The following CELF5 variants were observed in gnomAD, a reference collection of about 807,000 sequenced individuals.
The protein encoded by CELF5 is CUGBP Elav-like family member 5.
In CELF5, 6 loss-of-function variants were observed where a neutral mutation model predicts 54.9. The observed-to-expected ratio is 0.11, with a 90% CI of 0.06 to 0.22. CELF5 has a LOEUF of 0.22. CELF5 is among the 10% of genes least tolerant of loss of function. The pLI is 1.00. For synonymous variants in CELF5, 271 were observed against 290.9 expected, an observed-to-expected ratio of 0.93 and a Z score of 0.70; for missense variants, 401 against 678.6, an observed-to-expected ratio of 0.59 and a Z score of 4.54.
At chr19:3,250,463 T>C (rs1454382342) in intron 1 of CELF5, among the ~76,000 whole-genome samples, 3 of 152,214 alleles carry the variant, frequency 2.0e-5, no homozygotes, top group Non-Finnish European at 4.4e-5. Context: ...CACTCCAGCC[T>C]GGGTGACAGA....
intron 2 of CELF5, among the ~76,000 whole-genome samples, chr19:3,262,696 A>G (rs1053690602): frequency 6.6e-6 from 1 of 152,044 alleles, no homozygotes; most frequent in Non-Finnish European, 1.5e-5. Context: ...CACTCCTGTA[A>G]TCCCAGCACT....
At chr19:3,255,675 T>A (rs1269597123) in intron 2 of CELF5, among the ~76,000 whole-genome samples, 1 of 152,154 alleles carries the variant, frequency 6.6e-6, no homozygotes, top group Non-Finnish European at 1.5e-5. Context: ...AGCTGTGTAA[T>A]CTTCAACAAG....
chr19:3,269,470 G>A (rs778122231), intron 2 of CELF5, among the ~76,000 whole-genome samples: 6 of 152,158 alleles, frequency 3.9e-5, no homozygotes, highest in Non-Finnish European at 5.9e-5. Context: ...GAGCCACCGC[G>A]CCCGGCCCCT....
chr19:3,255,521 A>G (rs2079712741), intron 2 of CELF5, among the ~76,000 whole-genome samples: 1 of 151,866 alleles, frequency 6.6e-6, no homozygotes, highest in African/African-American at 2.4e-5. Flanking sequence ...TCTCTCCCTC[A>G]GTCCCTGGGC....
chr19:3,275,706 C>T lies in CELF5; in HGVS notation c.395-150C>T. 1.3e-6 allele frequency: 1 copy of T among 765,768 alleles called. No individual in the cohort carries two copies. Among genetic ancestry groups the T allele is most frequent in the Non-Finnish European group, 2.0e-6 (1 of 494,770 alleles). The allele number at this position is 765,768 out of a possible 1,614,324, so 47.4% of individuals were successfully genotyped here. A position where few individuals can be genotyped will look rare whatever the true frequency, so the allele number is the denominator to read the frequency against. On this transcript the variant is annotated intron_variant, in intron 3 of 12. Transcript: ENST00000292672. The surrounding 1 kb of genome is among the most constrained non-coding windows in gnomAD (Gnocchi z 6.7). ...GGGCAGGGAAAGGGCGCGGCTGGGT[C>T]CTCCCTCGCACGCGCAGAACCGGAG...
intron 2 of CELF5, among the ~76,000 whole-genome samples, chr19:3,253,534 G>C (rs10424519): frequency 0.13 from 19,334 of 152,180 alleles, 1,286 homozygotes; most frequent in African/African-American, 0.16. Context: ...GAGTGATCAA[G>C]GAGGAAGCCA....
intron 4 of CELF5, among the ~76,000 whole-genome samples, chr19:3,276,982 A>G (rs1320279548): frequency 6.6e-6 from 1 of 151,984 alleles, no homozygotes; most frequent in Non-Finnish European, 1.5e-5. Context: ...GGTTCTGTCT[A>G]TGTGATTTGT....
At chr19:3,240,580 G>A (rs896831557) in intron 1 of CELF5, among the ~76,000 whole-genome samples, 11 of 151,630 alleles carry the variant, frequency 7.3e-5, no homozygotes, top group South Asian at 4.2e-4. Flanking sequence ...CACCTGCCTC[G>A]GCCTCCCAGA....
rs771446928 is a variant in CELF5 at position 3,278,151 on chromosome 19, A to G, written c.603+41A>G. 18 of 1,330,988 alleles carry G rather than the reference A, an allele frequency of 1.4e-5. No homozygotes were observed. The Admixed American group carries it at 3.1e-4, about 23-fold the overall frequency. The allele number at this position is 1,330,988 out of a possible 1,614,324, so 82.4% of individuals were successfully genotyped here. On this transcript the variant is annotated intron_variant, in intron 5 of 12. Transcript: ENST00000292672. This position sits in a 1 kb window ranked among gnomAD's most constrained non-coding sequence, Gnocchi z 4.5. ...CCTTGGCCGTGGGGGTGGGGGTGGGAAAGGGGTGAGGGGGACAGGGATGAA... is the reference window on the plus strand; with the variant it reads ...CCTTGGCCGTGGGGGTGGGGGTGGGGAAGGGGTGAGGGGGACAGGGATGAA...
Position 3,275,820 on chromosome 19 carries a change from C to G in CELF5, c.395-36C>G. On this transcript the variant is annotated intron_variant, in intron 3 of 12. Coordinates refer to ENST00000292672, the MANE Select transcript of CELF5 (RefSeq NM_021938.4). The surrounding 1 kb of genome is among the most constrained non-coding windows in gnomAD (Gnocchi z 6.7). ...GAATCCCGGAGGCCCTCCCGGAGGCCGGGGACTCGGCTGAGGTGGGTGTCG... is the reference window on the plus strand; with the variant it reads ...GAATCCCGGAGGCCCTCCCGGAGGCGGGGGACTCGGCTGAGGTGGGTGTCG... 1 of 1,583,770 alleles carries G rather than the reference C, an allele frequency of 6.3e-7. No individual in the cohort carries two copies.
chr19:3,227,949 G>A (rs999191765), intron 1 of CELF5, among the ~76,000 whole-genome samples: 2 of 152,136 alleles, frequency 1.3e-5, no homozygotes, highest in African/African-American at 4.8e-5. Context: ...TGGCCTGGCC[G>A]AAGGTGGCGT....
At chr19:3,291,932 CT>C (rs11350773) in intron 11 of CELF5, among the ~76,000 whole-genome samples, 83,253 of 151,476 alleles carry the variant, frequency 0.55, 24,152 homozygotes, top group Middle Eastern at 0.69. Flanking sequence ...GAACCAGACT[CT>C]TTTTTTTTGT....
At chr19:3,225,768 GCCCTCC>G in intron 1 of CELF5, 1 of 175,354 alleles carries the variant, frequency 5.7e-6, no homozygotes, top group South Asian at 1.9e-4. Flanking sequence ...CCATTTCTCT[GCCCTCC>G]CCCTCCCCCG....
intron 11 of CELF5, among the ~76,000 whole-genome samples, chr19:3,290,605 C>A (rs530559950): frequency 6.7e-6 from 1 of 149,130 alleles, no homozygotes; most frequent in East Asian, 2.0e-4. Context: ...GCTCTGTCGC[C>A]CAGGCTGGAG....
chr19:3,256,064 C>CAG (rs372488135), intron 2 of CELF5, among the ~76,000 whole-genome samples: 27 of 139,588 alleles, frequency 1.9e-4, no homozygotes, highest in East Asian at 4.9e-4. Context: ...GACCCTGTCT[C>CAG]AAAAAAAAAG....
At chr19:3,263,511 A>C (rs1336491437) in intron 2 of CELF5, among the ~76,000 whole-genome samples, 1 of 152,076 alleles carries the variant, frequency 6.6e-6, no homozygotes, top group African/African-American at 2.4e-5. Flanking sequence ...CAGTGAGCCG[A>C]GATTGTGCCA....
chr19:3,247,222 G>C (rs1329187645), intron 1 of CELF5, among the ~76,000 whole-genome samples: 1 of 152,236 alleles, frequency 6.6e-6, no homozygotes, highest in Non-Finnish European at 1.5e-5. Context: ...CACACCCTGG[G>C]CTCAAGCGAT....
chr19:3,261,196 G>A (rs149148973), intron 2 of CELF5, among the ~76,000 whole-genome samples: 5,131 of 152,120 alleles, frequency 0.034, 315 homozygotes, highest in African/African-American at 0.12. Context: ...GAGGCAGGGG[G>A]ATCATGAGGT....
intron 1 of CELF5, among the ~76,000 whole-genome samples, chr19:3,236,241 G>C (rs1368461031): frequency 6.6e-6 from 1 of 152,166 alleles, no homozygotes; most frequent in Non-Finnish European, 1.5e-5. Flanking sequence ...AGTGAAGTTG[G>C]GGAGAACTTT....
Sources: allele counts gnomAD v4.1 joint callset (sites outside exome capture counted in the v4.1 genomes callset), GRCh38; gene constraint gnomAD v4.1.1; non-coding constraint Gnocchi (gnomAD v3.1); transcripts MANE v1.5; gene names NCBI Gene and HGNC (gene_info 2026-07-23, HGNC 2026-07-21).